The following GRIK1 variants were observed in gnomAD, a reference collection of about 807,000 sequenced individuals.
The protein encoded by GRIK1 is glutamate ionotropic receptor kainate type subunit 1, also known as glutamate receptor ionotropic, kainate 1.
GRIK1 carries 69 observed loss-of-function variants against 105.7 expected under a neutral mutation model. The ratio of observed to expected loss-of-function variants is 0.65; its 90% CI spans 0.54 to 0.80. The LOEUF (loss-of-function observed/expected upper bound fraction) is 0.80. GRIK1 is among the 30% of genes least tolerant of loss of function. GRIK1 has a pLI of 0.00. For synonymous variants in GRIK1, 438 were observed against 431.3 expected (o/e 1.02, Z -0.19); for missense variants, 1,109 against 1,167.3 (o/e 0.95, Z 0.73).
Position 29,677,799 on chromosome 21 carries a change from G to A in GRIK1, c.545-4635C>T, listed in dbSNP as rs936804176. ...AAAGGGAGGCATGGTGAGGTTAATT[G>A]TTTGGATCGGCCCTGAAAATGGGTC... is the stretch of plus-strand genomic sequence containing the variant. On this transcript the variant is annotated intron_variant, in intron 3 of 17. Transcript: ENST00000327783. Among the ~76,000 whole-genome samples the A allele has an allele frequency of 2.6e-5, 4 of 152,144 alleles. No individual in the cohort carries two copies. In the East Asian group the frequency reaches 5.8e-4, roughly 22 times the overall value.
chr21:29,684,924 C>A (rs1302585407), intron 3 of GRIK1, among the ~76,000 whole-genome samples: 1 of 152,202 alleles, frequency 6.6e-6, no homozygotes, highest in East Asian at 1.9e-4. Flanking sequence ...TGTCTATCAT[C>A]TACCTATCAT....
intron 7 of GRIK1, among the ~76,000 whole-genome samples, chr21:29,629,219 T>TGTGTGTGTGTGTGG (rs2062205223): frequency 6.6e-6 from 1 of 151,008 alleles, no homozygotes; most frequent in South Asian, 2.1e-4. Flanking sequence ...TGTGTGTGTG[T>TGTGTGTGTGTGTGG]GTGTGTGTGT....
rs551440466 is a variant in GRIK1 at position 29,543,162 on chromosome 21, T to C, written c.2608-5278A>G. ...GCTGTAGTTCTGTGGAGCCAGTGTCTCAATGATTATATTTTTTAAAGAAAG... is the reference window on the plus strand; with the variant it reads ...GCTGTAGTTCTGTGGAGCCAGTGTCCCAATGATTATATTTTTTAAAGAAAG... On this transcript the variant is annotated intron_variant, in intron 16 of 17. Coordinates refer to ENST00000327783, the MANE Select transcript of GRIK1 (RefSeq NM_001330994.2). 2.0e-4 allele frequency among the ~76,000 whole-genome samples: 31 copies of C among 152,294 alleles called. No individual in the cohort carries two copies. The South Asian group carries it at 6.4e-3, about 32-fold the overall frequency.
At chr21:29,731,032 T>A (rs1332658629) in intron 1 of GRIK1, among the ~76,000 whole-genome samples, 2 of 152,104 alleles carry the variant, frequency 1.3e-5, no homozygotes, top group African/African-American at 2.4e-5. Flanking sequence ...GAAAAATGGG[T>A]TCCCCTTAAA....
intron 7 of GRIK1, among the ~76,000 whole-genome samples, chr21:29,627,553 G>A (rs2062160041): frequency 6.6e-6 from 1 of 152,168 alleles, no homozygotes; most frequent in East Asian, 1.9e-4. Flanking sequence ...GGTACACATG[G>A]CCTTGAGCAG....
rs1038226055 is a variant in GRIK1 at position 29,774,434 on chromosome 21, C to A, written c.119-80371G>T. The stretch of plus-strand genomic sequence containing the variant: ...CAGTGTAGAGAATCAAGTGCTGTTT[C>A]TTTATTTTGCTCTTTTTTTTTTTTT... On this transcript the variant is annotated intron_variant, in intron 1 of 17. Coordinates refer to ENST00000327783, the MANE Select transcript of GRIK1 (RefSeq NM_001330994.2). Among the ~76,000 whole-genome samples, 243 of 136,116 alleles carry A rather than the reference C, an allele frequency of 1.8e-3. 3 individuals carry two copies. The highest frequency in any genetic ancestry group is 5.9e-3 in the African/African-American group (217 of 37,062). The allele number at this position is 136,116 out of a possible 152,430, so 89.3% of individuals were successfully genotyped here.
chr21:29,600,067 A>T (rs1259238092), intron 7 of GRIK1, among the ~76,000 whole-genome samples: 2 of 152,308 alleles, frequency 1.3e-5, no homozygotes, highest in Non-Finnish European at 2.9e-5. Context: ...GCCTGGCGAC[A>T]GAGCAAGACT....
chr21:29,765,903 G>C (rs376623713), intron 1 of GRIK1, among the ~76,000 whole-genome samples: 5 of 151,558 alleles, frequency 3.3e-5, no homozygotes, highest in Non-Finnish European at 5.9e-5. Context: ...CCAGGCTGGA[G>C]TGCAGTGGCG....
At position 29,888,447 on chromosome 21, in the gene GRIK1, G is replaced by A. The variant is rs571263364; in HGVS notation, c.118+50936C>T. 3.3e-5 allele frequency among the ~76,000 whole-genome samples: 5 copies of A among 151,012 alleles called. No individual in the cohort carries two copies. In the East Asian group the frequency reaches 5.9e-4, roughly 18 times the overall value. On this transcript the variant is annotated intron_variant, in intron 1 of 17. Transcript: ENST00000327783. ...GCCCAGCTAATTTTTGTACTTTTTT[G>A]TACAGATGGTGTTTTGCCATATTGA... is the stretch of plus-strand genomic sequence containing the variant.
intron 9 of GRIK1, among the ~76,000 whole-genome samples, chr21:29,594,356 G>A (rs1031117765): frequency 6.6e-6 from 1 of 152,176 alleles, no homozygotes; most frequent in Non-Finnish European, 1.5e-5. Context: ...TGGAGACAGA[G>A]GTACAGTTAA....
At chr21:29,714,937 C>A (rs139853466) in intron 1 of GRIK1, among the ~76,000 whole-genome samples, 133 of 152,216 alleles carry the variant, frequency 8.7e-4, no homozygotes, top group African/African-American at 3.2e-3. Flanking sequence ...CTTCCAATAC[C>A]TAATCTTTCA....
intron 7 of GRIK1, among the ~76,000 whole-genome samples, chr21:29,640,272 A>G (rs1733033462): frequency 6.6e-6 from 1 of 152,150 alleles, no homozygotes; most frequent in South Asian, 2.1e-4. Flanking sequence ...ACTCATCTGA[A>G]AAAACACGTG....
chr21:29,554,760 G>A (rs923081866), intron 16 of GRIK1, among the ~76,000 whole-genome samples: 1 of 151,920 alleles, frequency 6.6e-6, no homozygotes, highest in Non-Finnish European at 1.5e-5. Flanking sequence ...TCTATCTTAC[G>A]AGCAAACAAC....
intron 1 of GRIK1, among the ~76,000 whole-genome samples, chr21:29,730,103 C>A (rs972178152): frequency 6.6e-6 from 1 of 152,126 alleles, no homozygotes; most frequent in African/African-American, 2.4e-5. Context: ...TATGGCAGTT[C>A]GCCCAGTAAT....
intron 1 of GRIK1, among the ~76,000 whole-genome samples, chr21:29,917,463 A>T (rs938848720): frequency 6.6e-6 from 1 of 152,012 alleles, no homozygotes; most frequent in Admixed American, 6.6e-5. Flanking sequence ...CTTTATTTTT[A>T]TTCAGATGTT....
chr21:29,751,051 G>T (rs1015534147), intron 1 of GRIK1, among the ~76,000 whole-genome samples: 1 of 152,102 alleles, frequency 6.6e-6, no homozygotes, highest in African/African-American at 2.4e-5. Context: ...GCTCAGTGGG[G>T]GACCTTTTGA....
intron 1 of GRIK1, among the ~76,000 whole-genome samples, chr21:29,705,297 G>C (rs2063883700): frequency 6.6e-6 from 1 of 152,194 alleles, no homozygotes; most frequent in African/African-American, 2.4e-5. Flanking sequence ...CTTATACATA[G>C]AGAGTTTAGT....
chr21:29,802,380 C>T (rs764401019), intron 1 of GRIK1, among the ~76,000 whole-genome samples: 1 of 152,096 alleles, frequency 6.6e-6, no homozygotes, highest in Non-Finnish European at 1.5e-5. Flanking sequence ...TTGACTTTCA[C>T]CCTCTCCCTC....
chr21:29,615,025 T>A (rs938600110), intron 7 of GRIK1, among the ~76,000 whole-genome samples: 4 of 151,634 alleles, frequency 2.6e-5, no homozygotes, highest in Non-Finnish European at 4.4e-5. Context: ...AACTAGTACA[T>A]CCTAACTAAG....
Sources: allele counts gnomAD v4.1 joint callset (sites outside exome capture counted in the v4.1 genomes callset), GRCh38; gene constraint gnomAD v4.1.1; transcripts MANE v1.5; gene names NCBI Gene and HGNC (gene_info 2026-07-23, HGNC 2026-07-21).